The following PTPRB variants were observed in gnomAD, a reference collection of about 807,000 sequenced individuals.
PTPRB encodes protein tyrosine phosphatase receptor type B, also known as receptor-type tyrosine-protein phosphatase beta.
A neutral mutation model predicts 238.1 loss-of-function variants in PTPRB; 97 were observed. That is an observed-to-expected ratio of 0.41 (90% CI 0.35 to 0.48). The LOEUF is 0.48. Ranked by LOEUF, PTPRB falls within the 20% of genes least tolerant of loss-of-function variation. PTPRB has a pLI of 0.30. For missense variants in PTPRB, 2,292 were observed against 2,681.9 expected, an observed-to-expected ratio of 0.85 and a Z score of 3.21; for synonymous variants, 970 against 995.4, an observed-to-expected ratio of 0.97 and a Z score of 0.48.
chr12:70,524,987 G>GTATA (rs1252732383), intron 32 of PTPRB, among the ~76,000 whole-genome samples: 13 of 137,604 alleles, frequency 9.4e-5, no homozygotes, highest in Admixed American at 4.6e-4. Context: ...GTGTGTGTGT[G>GTATA]TGTATATATA....
intron 2 of PTPRB, among the ~76,000 whole-genome samples, chr12:70,631,064 A>AG (rs1388333749): frequency 6.6e-6 from 1 of 152,204 alleles, no homozygotes; most frequent in East Asian, 1.9e-4. Flanking sequence ...TCTTCACAGA[A>AG]TTGGAAAAAA....
At chr12:70,615,862 C>T (rs1197842029) in intron 3 of PTPRB, among the ~76,000 whole-genome samples, 3 of 152,164 alleles carry the variant, frequency 2.0e-5, no homozygotes, top group African/African-American at 7.2e-5. Flanking sequence ...AAATCAAAAA[C>T]AGTCACCCAC....
intron 2 of PTPRB, among the ~76,000 whole-genome samples, chr12:70,634,328 A>C (rs1885588083): frequency 6.6e-6 from 1 of 152,214 alleles, no homozygotes; most frequent in Admixed American, 6.5e-5. Flanking sequence ...ATGGATCAAA[A>C]TTTTCTGGTG....
In PTPRB at chr12:70,559,520, G is replaced by T. The variant is rs1202496217; in HGVS notation, c.4537C>A (p.Leu1513Met). 1.9e-6 allele frequency: 3 copies of T among 1,614,008 alleles called. No homozygotes were observed. The highest frequency in any genetic ancestry group is 1.3e-5 in the African/African-American group (1 of 75,048). ...PDWTDYNDFE[L>M]QWLPRDALTV... ...AGTGCATCTCTGGGCAACCACTGCA[G>T]CTCAAAGTCGTTGTAGTCTGTCCAG... is the stretch of plus-strand genomic sequence containing the variant. The change falls in exon 18 of 34, where the codon CTG (leucine) becomes ATG (methionine). Residue 1513 changes from leucine (L) to methionine (M), a missense_variant. Around this residue, in one of 4 missense-constraint regions of PTPRB, gnomAD observed 683 missense variants for 862.0 expected, o/e 0.79. Coordinates refer to ENST00000334414, the MANE Select transcript of PTPRB (RefSeq NM_001109754.4).
At chr12:70,568,451 T>C (rs7132291) in intron 14 of PTPRB, among the ~76,000 whole-genome samples, 65,231 of 151,764 alleles carry the variant, frequency 0.43, 14,859 homozygotes, top group African/African-American at 0.6. Flanking sequence ...GCGTCTGCCA[T>C]CACACCCAGC....
chr12:70,580,878 C>T (rs571376999), intron 10 of PTPRB, among the ~76,000 whole-genome samples, 158 bp downstream of exon 10: 1 of 151,970 alleles, frequency 6.6e-6, no homozygotes, highest in African/African-American at 2.4e-5. Flanking sequence ...GCCCAATTTC[C>T]ATTCCATATA....
In PTPRB at chr12:70,535,325, T is replaced by C. The variant is rs566744061; in HGVS notation, c.6082-370A>G. On this transcript the variant is annotated intron_variant, in intron 29 of 33. Coordinates refer to ENST00000334414, the MANE Select transcript of PTPRB (RefSeq NM_001109754.4). ...ATTGTTCTTTCTAAAGAAAGAAATA[T>C]CTAGTTGGGTAGAGGAAGGCACTGT... Among the ~76,000 whole-genome samples the C allele has an allele frequency of 4.0e-5, 6 of 150,484 alleles. No homozygotes were observed. The South Asian group carries it at 1.3e-3, about 32-fold the overall frequency.
rs1871429322 is a variant in PTPRB, at chr12:70,519,263, C to G, written c.*2226G>C. 1 of 152,048 alleles carries G rather than the reference C, an allele frequency of 6.6e-6. No individual in the cohort carries two copies. Among genetic ancestry groups the G allele is most frequent in the South Asian group, 2.1e-4 (1 of 4,822 alleles). The allele number at this position is 152,048 out of a possible 1,614,324, so 9.4% of individuals were successfully genotyped here. A position where few individuals can be genotyped will look rare whatever the true frequency, so the allele number is the denominator to read the frequency against. On this transcript the variant is annotated 3_prime_UTR_variant, in exon 34 of 34. Coordinates refer to ENST00000334414, the MANE Select transcript of PTPRB (RefSeq NM_001109754.4). The stretch of plus-strand genomic sequence containing the variant: ...TAGGTTTTTTTTATGGTTTTAACTC[C>G]TGGTTTGTGCAATTAATTGCTCTCT...
intron 3 of PTPRB, among the ~76,000 whole-genome samples, chr12:70,621,709 C>G (rs1442550562): frequency 1.3e-5 from 2 of 152,186 alleles, no homozygotes; most frequent in African/African-American, 4.8e-5. Flanking sequence ...TAGGAAAAAG[C>G]TGAAGTCTGC....
intron 8 of PTPRB, 29 bp from the exon 9 acceptor site, chr12:70,587,296 T>C (rs1045640699): frequency 2.5e-6 from 4 of 1,610,852 alleles, no homozygotes; most frequent in Non-Finnish European, 2.5e-6. Flanking sequence ...AGATGGGTCA[T>C]TGATGGACTG....
At chr12:70,546,577 G>A (rs1003537006) in intron 21 of PTPRB, among the ~76,000 whole-genome samples, 18 of 152,220 alleles carry the variant, frequency 1.2e-4, no homozygotes, top group African/African-American at 4.1e-4. Flanking sequence ...GTTAGCTTCA[G>A]ATTTAAGGAA....
rs1388680710 is a variant in PTPRB, at chr12:70,571,905, C to G, written c.3025G>C (p.Val1009Leu). ...GTGACACTGTACAACCGTCCAGGGA[C>G]TAGCTGAACAAATACACATTCGTTT... is the stretch of plus-strand genomic sequence containing the variant. ...SENECVFVQL[V>L]PGRLYSVTVT... Residue 1009 changes from valine (V) to leucine (L), a missense_variant, in exon 12 of 34, where the codon GTC (valine) becomes CTC (leucine). Val to Leu is a conservative substitution (Grantham distance 32, BLOSUM62 1). This residue lies in a region of PTPRB where 1,205 missense variants were observed against 1,287.8 expected (regional missense o/e 0.94). Coordinates refer to ENST00000334414, the MANE Select transcript of PTPRB (RefSeq NM_001109754.4). 6.2e-7 allele frequency: 1 copy of G among 1,613,874 alleles called. No homozygotes were observed. Among genetic ancestry groups the G allele is most frequent in the South Asian group, 1.1e-5 (1 of 91,086 alleles).
chr12:70,577,351 G>A (rs1165579227), intron 10 of PTPRB, among the ~76,000 whole-genome samples: 1 of 152,134 alleles, frequency 6.6e-6, no homozygotes, highest in East Asian at 1.9e-4. Flanking sequence ...TATATGAATT[G>A]GGGATTAGTG....
rs140263819 is a variant in PTPRB, at chr12:70,521,449, C to G, written c.*40G>C. 2.6e-4 allele frequency: 387 copies of G among 1,505,270 alleles called. 2 individuals carry two copies. The East Asian group carries it at 8.4e-3, about 33-fold the overall frequency. 93.2% of individuals were successfully genotyped at this position (1,505,270 alleles called of 1,614,324 possible). ...AGCAAGTTTTTAAAAACAAATCACA[C>G]AGTGAATAATTTTTATCCAGGAGCT... On this transcript the variant is annotated 3_prime_UTR_variant, in exon 34 of 34. Coordinates refer to ENST00000334414, the MANE Select transcript of PTPRB (RefSeq NM_001109754.4).
chr12:70,556,305 T>C (rs1877672082), intron 18 of PTPRB, among the ~76,000 whole-genome samples, 157 bp from the exon 19 acceptor site: 3 of 151,788 alleles, frequency 2.0e-5, no homozygotes, highest in Admixed American at 1.3e-4. Context: ...CACATGAGCA[T>C]AAATCTCCCA....
intron 9 of PTPRB, among the ~76,000 whole-genome samples, chr12:70,583,219 A>G (rs1881562447): frequency 6.6e-6 from 1 of 152,144 alleles, no homozygotes; most frequent in Non-Finnish European, 1.5e-5. Flanking sequence ...GATGATAAAA[A>G]TGACCTTAGG....
chr12:70,626,360 T>TATCC (rs1472444823), intron 2 of PTPRB, among the ~76,000 whole-genome samples: 2 of 142,892 alleles, frequency 1.4e-5, no homozygotes, highest in East Asian at 4.1e-4. Context: ...TCTATCTATC[T>TATCC]ATCTATATTC....
chr12:70,535,577 A>G (rs1874003250), intron 29 of PTPRB, among the ~76,000 whole-genome samples: 1 of 152,138 alleles, frequency 6.6e-6, no homozygotes, highest in Admixed American at 6.5e-5. Flanking sequence ...AACCATATAA[A>G]GTAGAGGATG....
intron 22 of PTPRB, among the ~76,000 whole-genome samples, chr12:70,543,683 G>GA (rs2136269553): frequency 6.6e-6 from 1 of 152,282 alleles, no homozygotes; most frequent in East Asian, 1.9e-4. Flanking sequence ...CGGATTACAG[G>GA]AAAAGGCTAC....
Sources: allele counts gnomAD v4.1 joint callset (sites outside exome capture counted in the v4.1 genomes callset), GRCh38; gene constraint gnomAD v4.1.1; regional missense constraint gnomAD v4.1.1; transcripts MANE v1.5; gene names NCBI Gene and HGNC (gene_info 2026-07-23, HGNC 2026-07-21).